Variants in TG observed in about 807,000 individuals in gnomAD.
The protein encoded by TG is thyroid hormones.
TG carries 270 observed loss-of-function variants against 324.7 expected under a neutral mutation model. That is an observed-to-expected ratio of 0.83 (90% CI 0.75 to 0.92). The LOEUF (loss-of-function observed/expected upper bound fraction) is 0.92, where lower values mean the gene tolerates loss of function less well. Ranked by LOEUF, TG falls within the 40% of genes least tolerant of loss-of-function variation. The pLI, the probability that TG is intolerant of heterozygous loss-of-function variation, is 0.00. For synonymous variants in TG, 1,401 were observed against 1,327.0 expected (o/e 1.06, Z -1.21); for missense variants, 3,591 against 3,456.4 (o/e 1.04, Z -0.98).
chr8:133,038,699 C>T (rs1227018082), intron 41 of TG: 1 of 1,614,104 alleles, frequency 6.2e-7, no homozygotes, highest in Admixed American at 1.7e-5. Context: ...CTCGTCTACC[C>T]CAAGCGGGTT....
intron 40 of TG, among the ~76,000 whole-genome samples, chr8:133,023,653 C>T (rs1835752555): frequency 6.6e-6 from 1 of 152,184 alleles, no homozygotes; most frequent in African/African-American, 2.4e-5. Context: ...TAGCCCCTTC[C>T]TCTAGAGGTG....
intron 35 of TG, among the ~76,000 whole-genome samples, chr8:132,997,079 G>A (rs910145415): frequency 5.9e-5 from 9 of 152,164 alleles, no homozygotes; most frequent in African/African-American, 2.2e-4. Context: ...TGTAATGGTA[G>A]AATCTGAAAT....
Position 133,017,993 on chromosome 8 carries a change from C to A in TG, c.6778C>A (p.Pro2260Thr). Residue 2260 changes from proline (P) to threonine (T), a missense_variant, in exon 38 of 48, where the codon CCA (proline) becomes ACA (threonine). By Grantham distance (38) the Pro-to-Thr change is conservative. Coordinates refer to ENST00000220616, the MANE Select transcript of TG (RefSeq NM_003235.5). ...GACAGGCTCCTGGGATGCCAGCAAG[C>A]CAAGGTATGGGTTGAGTGGAGCACA... The part of the protein sequence containing the change: ...NWTGSWDASK[P>T]RASCWQPGTR... 1 of 1,614,062 alleles carries A rather than the reference C, an allele frequency of 6.2e-7. No individual in the cohort carries two copies. Among genetic ancestry groups the A allele is most frequent in the Non-Finnish European group, 8.5e-7 (1 of 1,179,970 alleles).
intron 41 of TG, among the ~76,000 whole-genome samples, chr8:133,044,055 A>G (rs1258342830): frequency 3.9e-5 from 6 of 152,104 alleles, no homozygotes; most frequent in Admixed American, 6.5e-5. Context: ...AGGGGGAACT[A>G]CTAGTGTCTG....
intron 11 of TG, among the ~76,000 whole-genome samples, chr8:132,894,213 A>ACCC (rs1816771650): frequency 6.6e-6 from 1 of 152,036 alleles, no homozygotes; most frequent in Non-Finnish European, 1.5e-5. Context: ...AATGCGAGGG[A>ACCC]CCCAAGCCCG....
intron 34 of TG, among the ~76,000 whole-genome samples, chr8:132,973,157 AC>A (rs1327311220): frequency 6.6e-6 from 1 of 152,182 alleles, no homozygotes; most frequent in African/African-American, 2.4e-5. Context: ...GACGGTCCTA[AC>A]AAGATGGTAT....
At position 133,131,940 on chromosome 8, in the gene TG, G is replaced by T; in HGVS notation, c.7991G>T (p.Arg2664Ile). The change falls in exon 46 of 48, where the codon AGA becomes ATA. Residue 2664 changes from arginine to isoleucine, a missense_variant. Physicochemically the swap from Arg to Ile is moderately conservative, Grantham distance 97. Coordinates refer to ENST00000220616, the MANE Select transcript of TG (RefSeq NM_003235.5). Reference sequence around the variant, plus strand: ...ATGCAGTACTTTTCCCACTTCATCAGATCAGGGTAATTTTGGACCACTTGT... The same window carrying T: ...ATGCAGTACTTTTCCCACTTCATCATATCAGGGTAATTTTGGACCACTTGT... ...KIMQYFSHFI[R>I]SGNPNYPYEF... 3 of 1,614,002 alleles carry T rather than the reference G, an allele frequency of 1.9e-6. No individual in the cohort carries two copies. The highest frequency in any genetic ancestry group is 2.5e-6 in the Non-Finnish European group (3 of 1,179,990).
At chr8:133,023,450 C>T (rs2130948437) in intron 40 of TG, among the ~76,000 whole-genome samples, 1 of 152,086 alleles carries the variant, frequency 6.6e-6, no homozygotes, top group Admixed American at 6.5e-5. Context: ...GGAAAATTAT[C>T]CCCACCCTCT....
intron 43 of TG, among the ~76,000 whole-genome samples, chr8:133,101,025 T>G (rs1457801653): frequency 6.6e-6 from 1 of 152,028 alleles, no homozygotes; most frequent in Non-Finnish European, 1.5e-5. Context: ...AGCTAACTAG[T>G]CCTTTGGAAA....
intron 43 of TG, among the ~76,000 whole-genome samples, chr8:133,108,344 C>T (rs1316962815): frequency 6.6e-6 from 1 of 152,084 alleles, no homozygotes; most frequent in Non-Finnish European, 1.5e-5. Context: ...TGTTTGGGCT[C>T]AAGCTCAGTG....
At chr8:132,907,399 G>A (rs1426372550) in intron 17 of TG, among the ~76,000 whole-genome samples, 1 of 152,140 alleles carries the variant, frequency 6.6e-6, no homozygotes, top group East Asian at 1.9e-4. Flanking sequence ...CTGATTGCTG[G>A]AACTTGTGTA....
At chr8:133,106,024 CAGATGG>C (rs953277729) in intron 43 of TG, among the ~76,000 whole-genome samples, 5 of 151,922 alleles carry the variant, frequency 3.3e-5, no homozygotes, top group Admixed American at 2.0e-4. Context: ...CTGGATGAAG[CAGATGG>C]AGGAGACCCT....
chr8:133,030,025 T>C lies in TG; in HGVS notation c.7239+2T>C. ...CTTTTCCGGAGAGCTGTGCTGATGG[T>C]AAGTGGTGTGTGTTCTACCTTCAGT... On this transcript the variant is annotated splice_donor_variant, in intron 41 of 47. Coordinates refer to ENST00000220616, the MANE Select transcript of TG (RefSeq NM_003235.5). LOFTEE classifies it high-confidence loss of function. The C allele has an allele frequency of 6.2e-7, 1 of 1,614,172 alleles. No individual in the cohort carries two copies. Among genetic ancestry groups the C allele is most frequent in the Non-Finnish European group, 8.5e-7 (1 of 1,180,022 alleles).
chr8:132,908,136 A>G (rs763920624), intron 17 of TG, 50 bp from the exon 18 acceptor site: 1 of 1,608,090 alleles, frequency 6.2e-7, no homozygotes, highest in Non-Finnish European at 8.5e-7. Flanking sequence ...AACAAAGAAA[A>G]TAACTCTACA....
chr8:132,888,908 C>T lies in TG; in HGVS notation c.2761+340C>T, dbSNP rs1040766070. On this transcript the variant is annotated intron_variant, in intron 10 of 47. Transcript: ENST00000220616. ...ATAAAAGTGGAGATGACCTGGCCCTCGTCCTCCTATGGTTAATGTTTAGTA... is the reference window on the plus strand; with the variant it reads ...ATAAAAGTGGAGATGACCTGGCCCTTGTCCTCCTATGGTTAATGTTTAGTA... Among the ~76,000 whole-genome samples the T allele has an allele frequency of 3.3e-5, 5 of 152,322 alleles. No individual in the cohort carries two copies. The East Asian group carries it at 5.8e-4, about 18-fold the overall frequency.
At chr8:133,085,951 C>T (rs7844893) in intron 41 of TG, among the ~76,000 whole-genome samples, 5,165 of 152,094 alleles carry the variant, frequency 0.034, 304 homozygotes, top group African/African-American at 0.12. Context: ...TCATAATTGG[C>T]AAAAAGTAGA....
intron 16 of TG, among the ~76,000 whole-genome samples, chr8:132,904,168 T>C (rs938754569): frequency 6.6e-5 from 10 of 152,168 alleles, no homozygotes; most frequent in South Asian, 6.2e-4. Flanking sequence ...CTGATAACAG[T>C]CCAGCCCCAC....
rs143397344 is a variant in TG, at chr8:132,879,489, T to A, written c.639-2374T>A. ...TGAGACAAATATGGAGAGTGTTTGG[T>A]CTGATTGTTCATACATATCACTTGT... On this transcript the variant is annotated intron_variant, in intron 5 of 47. Coordinates refer to ENST00000220616, the MANE Select transcript of TG (RefSeq NM_003235.5). Among the ~76,000 whole-genome samples, 1,448 of 152,386 alleles carry A rather than the reference T, an allele frequency of 9.5e-3. 19 individuals carry two copies. Among genetic ancestry groups the A allele is most frequent in the African/African-American group, 0.034 (1,400 of 41,592 alleles).
intron 41 of TG, among the ~76,000 whole-genome samples, chr8:133,066,003 C>A (rs746296677): frequency 1.5e-4 from 23 of 152,114 alleles, no homozygotes; most frequent in Non-Finnish European, 2.6e-4. Flanking sequence ...TTGAGGCATG[C>A]TGTGGTCAAA....
Sources: gnomAD v4.1 joint callset for allele counts (sites outside exome capture counted in the v4.1 genomes callset) on GRCh38, gnomAD v4.1.1 for gene constraint, MANE v1.5 for transcripts, NCBI Gene and HGNC (gene_info 2026-07-23, HGNC 2026-07-21) for gene names.